The following ANKUB1 variants were observed in gnomAD, a reference collection of about 807,000 sequenced individuals.
ANKUB1 encodes ankyrin repeat and ubiquitin domain containing 1.
Under a neutral mutation model 49.3 loss-of-function variants are expected in ANKUB1, and 42 were observed. The observed-to-expected ratio is 0.85, with a 90% CI of 0.67 to 1.10. The LOEUF (loss-of-function observed/expected upper bound fraction) is 1.10, where lower values mean the gene tolerates loss of function less well. Ranked by LOEUF, ANKUB1 falls within the 50% of genes least tolerant of loss-of-function variation. The pLI is 0.00. For synonymous variants in ANKUB1, 222 were observed against 231.0 expected, an observed-to-expected ratio of 0.96 and a Z score of 0.35; for missense variants, 613 against 642.0, an observed-to-expected ratio of 0.95 and a Z score of 0.49.
At chr3:149,784,996 T>C (rs1449703212) in intron 2 of ANKUB1, among the ~76,000 whole-genome samples, 1 of 152,164 alleles carries the variant, frequency 6.6e-6, no homozygotes, top group Non-Finnish European at 1.5e-5. Flanking sequence ...ACTTAAGCAA[T>C]CGTTTCCATG....
Position 149,792,424 on chromosome 3 carries a change from G to T in ANKUB1, c.-58C>A. The T allele has an allele frequency of 1.5e-6, 2 of 1,342,322 alleles. No homozygotes were observed. The highest frequency in any genetic ancestry group is 2.0e-6 in the Non-Finnish European group (2 of 1,009,658). 83.2% of individuals were successfully genotyped at this position (1,342,322 alleles called of 1,614,324 possible). A position where few individuals can be genotyped will look rare whatever the true frequency, so the allele number is the denominator to read the frequency against. Reference sequence around the variant, plus strand: ...AACTTTTTCAAAGATTCTCCTGGATGGCTAGAAAAATTCCGGTTCACAATT... The same window carrying T: ...AACTTTTTCAAAGATTCTCCTGGATTGCTAGAAAAATTCCGGTTCACAATT... On this transcript the variant is annotated 5_prime_UTR_variant, in exon 1 of 6. Transcript: ENST00000446160.
At chr3:149,766,974 A>G in intron 5 of ANKUB1, 183 bp downstream of exon 5, 1 of 1,001,836 alleles carries the variant, frequency 1.0e-6, no homozygotes, top group Non-Finnish European at 1.5e-6. Context: ...TGGATTGGCC[A>G]ATAATATTAA....
intron 5 of ANKUB1, chr3:149,763,912 G>C (rs745856486): frequency 3.1e-5 from 14 of 456,166 alleles, no homozygotes; most frequent in Non-Finnish European, 5.3e-5. Flanking sequence ...AAAGGTAGGA[G>C]TTCCTGAATG....
chr3:149,767,504 G>A lies in ANKUB1; in HGVS notation c.1158C>T (p.Ser386=), dbSNP rs1267754190. ...KLPSLSKQTA[S]SKPVNPLAIS... ...TTGCCAAAGGATTGACAGGTTTGCT[G>A]CTTGCAGTTTGTTTGCTGAGAGATG... The change falls in exon 5 of 6, where the codon AGC becomes AGT. Residue 386 remains serine (S), a synonymous_variant. Coordinates refer to ENST00000446160, the MANE Select transcript of ANKUB1 (RefSeq NM_001144960.3). The A allele has an allele frequency of 6.4e-7, 1 of 1,551,666 alleles. No individual in the cohort carries two copies. The highest frequency in any genetic ancestry group is 1.4e-5 in the African/African-American group (1 of 73,146).
At chr3:149,782,798 C>T (rs567240746) in intron 2 of ANKUB1, among the ~76,000 whole-genome samples, 1 of 152,276 alleles carries the variant, frequency 6.6e-6, no homozygotes, top group South Asian at 2.1e-4. Flanking sequence ...CCTCAGCCTC[C>T]CAAAGTATTG....
At position 149,761,359 on chromosome 3, in the gene ANKUB1, A is replaced by C; in HGVS notation, c.*125T>G. 1 of 1,153,236 alleles carries C rather than the reference A, an allele frequency of 8.7e-7. No individual in the cohort carries two copies. The highest frequency in any genetic ancestry group is 1.2e-6 in the Non-Finnish European group (1 of 839,434). The allele number at this position is 1,153,236 out of a possible 1,614,324, so 71.4% of individuals were successfully genotyped here. On this transcript the variant is annotated 3_prime_UTR_variant, in exon 6 of 6. Transcript: ENST00000446160. ...ACATGGTGTTAAATATCCTATTAAAAGTTATGTGGCATTATAACTGTTACT... is the reference window on the plus strand; with the variant it reads ...ACATGGTGTTAAATATCCTATTAAACGTTATGTGGCATTATAACTGTTACT...
chr3:149,771,453 C>T (rs1717356162), intron 3 of ANKUB1, among the ~76,000 whole-genome samples: 2 of 152,174 alleles, frequency 1.3e-5, no homozygotes, highest in Admixed American at 6.5e-5. Context: ...TAATGACTTA[C>T]AATTTTTTGA....
At position 149,792,485 on chromosome 3, in the gene ANKUB1, G is replaced by A; in HGVS notation, c.-119C>T. 2.9e-6 allele frequency: 2 copies of A among 678,532 alleles called. No individual in the cohort carries two copies. The highest frequency in any genetic ancestry group is 2.3e-6 in the Non-Finnish European group (1 of 434,296). The allele number at this position is 678,532 out of a possible 1,614,324, so 42.0% of individuals were successfully genotyped here. ...ATGATAGCCAGAGGCAGCTGTCACT[G>A]TCTAGCCTCAAAGGTAAGTTGTAGA... On this transcript the variant is annotated 5_prime_UTR_variant, in exon 1 of 6. Coordinates refer to ENST00000446160, the MANE Select transcript of ANKUB1 (RefSeq NM_001144960.3).
intron 3 of ANKUB1, among the ~76,000 whole-genome samples, chr3:149,775,557 G>A (rs1717554695): frequency 6.6e-6 from 1 of 152,104 alleles, no homozygotes; most frequent in Non-Finnish European, 1.5e-5. Flanking sequence ...TCAGATTTCA[G>A]GATCTGAGCT....
intron 5 of ANKUB1, among the ~76,000 whole-genome samples, chr3:149,766,135 C>T (rs185575099): frequency 1.1e-3 from 172 of 152,228 alleles, no homozygotes; most frequent in Non-Finnish European, 1.5e-3. Context: ...GGGATCTGAG[C>T]TCTAATCAGA....
chr3:149,788,447 C>T (rs1402678901), intron 2 of ANKUB1, among the ~76,000 whole-genome samples: 1 of 151,902 alleles, frequency 6.6e-6, no homozygotes, highest in Admixed American at 6.6e-5. Context: ...AATTGATCCT[C>T]CCGCCTCAGC....
At chr3:149,770,984 T>A (rs921746293) in intron 3 of ANKUB1, among the ~76,000 whole-genome samples, 1 of 152,236 alleles carries the variant, frequency 6.6e-6, no homozygotes, top group African/African-American at 2.4e-5. Context: ...TATATTACCA[T>A]GTAAACTGAA....
intron 1 of ANKUB1, 120 bp downstream of exon 1, chr3:149,792,157 T>A (rs1189611521): frequency 9.1e-6 from 5 of 552,350 alleles, no homozygotes. Flanking sequence ...TTTCAAATAG[T>A]TTTCGTTCCC....
At chr3:149,788,862 C>T (rs1015966307) in intron 2 of ANKUB1, among the ~76,000 whole-genome samples, 40 of 151,870 alleles carry the variant, frequency 2.6e-4, no homozygotes, top group African/African-American at 8.7e-4. Context: ...CTGTAACCTC[C>T]ACCTCCAGGG....
chr3:149,764,957 T>C (rs1190827911), intron 5 of ANKUB1, among the ~76,000 whole-genome samples: 1 of 152,140 alleles, frequency 6.6e-6, no homozygotes, highest in Non-Finnish European at 1.5e-5. Flanking sequence ...GGCAATTCTA[T>C]TCCTTGGTAT....
At chr3:149,788,409 G>T (rs1418191147) in intron 2 of ANKUB1, among the ~76,000 whole-genome samples, 1 of 151,570 alleles carries the variant, frequency 6.6e-6, no homozygotes, top group African/African-American at 2.4e-5. Context: ...TTGAGACAGG[G>T]TCTCACTCTC....
At chr3:149,775,503 G>A (rs749118226) in intron 3 of ANKUB1, among the ~76,000 whole-genome samples, 3 of 151,948 alleles carry the variant, frequency 2.0e-5, no homozygotes, top group African/African-American at 7.3e-5. Context: ...AGCACCATAG[G>A]TCTCCATGAG....
intron 2 of ANKUB1, among the ~76,000 whole-genome samples, chr3:149,784,570 G>A (rs192428149): frequency 1.2e-4 from 19 of 152,314 alleles, no homozygotes; most frequent in East Asian, 3.9e-4. Flanking sequence ...GTTCTGGGGC[G>A]TGCTTTAGAT....
intron 2 of ANKUB1, chr3:149,783,477 A>G (rs1387141166): frequency 6.6e-6 from 1 of 152,252 alleles, no homozygotes; most frequent in African/African-American, 2.4e-5. Context: ...AATACGTTCT[A>G]TCTCATGAGA....
Sources: allele counts gnomAD v4.1 joint callset (sites outside exome capture counted in the v4.1 genomes callset), GRCh38; gene constraint gnomAD v4.1.1; transcripts MANE v1.5; gene names NCBI Gene and HGNC (gene_info 2026-07-23, HGNC 2026-07-21).